UBR2: variants seen among roughly 807,000 people sequenced by gnomAD.
UBR2 encodes the protein ubiquitin protein ligase E3 component n-recognin 2, also known as E3 ubiquitin-protein ligase UBR2.
UBR2 carries 92 observed loss-of-function variants against 247.9 expected under a neutral mutation model. That is an observed-to-expected ratio of 0.37 (90% CI 0.31 to 0.44). The LOEUF is 0.44. Among genes scored for constraint, UBR2 ranks in the 20% least tolerant of loss-of-function variants. The pLI is 1.00. For missense variants in UBR2, 1,613 were observed against 2,112.6 expected, an observed-to-expected ratio of 0.76 and a Z score of 4.64; for synonymous variants, 672 against 693.5, an observed-to-expected ratio of 0.97 and a Z score of 0.49.
chr6:42,598,474 T>G (rs1238569183), intron 4 of UBR2, among the ~76,000 whole-genome samples: 1 of 152,150 alleles, frequency 6.6e-6, no homozygotes, highest in African/African-American at 2.4e-5. Context: ...AGCATTGTGT[T>G]TCGCCTACTC....
chr6:42,619,833 TCAGCCTCC>T, intron 11 of UBR2: 1 of 519,018 alleles, frequency 1.9e-6, no homozygotes, highest in Non-Finnish European at 2.5e-6. Flanking sequence ...TCCTCCTGTC[TCAGCCTCC>T]CAAGTAGCTG....
At chr6:42,587,394 A>G (rs766538797) in intron 2 of UBR2, among the ~76,000 whole-genome samples, 1 of 151,466 alleles carries the variant, frequency 6.6e-6, no homozygotes, top group African/African-American at 2.4e-5. Flanking sequence ...TGCTCTGTCC[A>G]TTTCCCAGGC....
chr6:42,595,217 T>C (rs890480841), intron 4 of UBR2, among the ~76,000 whole-genome samples: 2 of 152,222 alleles, frequency 1.3e-5, no homozygotes, highest in East Asian at 3.8e-4. Context: ...TTGTTAATTA[T>C]AGTCATGCTA....
At chr6:42,635,905 G>A (rs1796060185) in intron 14 of UBR2, among the ~76,000 whole-genome samples, 1 of 151,864 alleles carries the variant, frequency 6.6e-6, no homozygotes, top group African/African-American at 2.4e-5. Context: ...AAATTATTTT[G>A]GCCTTCCTTT....
At chr6:42,686,260 G>C (rs1409952375) in intron 44 of UBR2, among the ~76,000 whole-genome samples, 1 of 151,688 alleles carries the variant, frequency 6.6e-6, no homozygotes, top group Non-Finnish European at 1.5e-5. Flanking sequence ...GGGTACTTGA[G>C]ATTAGGGAGT....
chr6:42,687,683 G>A (rs1799523471), intron 44 of UBR2, among the ~76,000 whole-genome samples: 1 of 152,082 alleles, frequency 6.6e-6, no homozygotes, highest in African/African-American at 2.4e-5. Context: ...TGGGACTACA[G>A]GTGCACACCA....
chr6:42,614,377 T>G (rs1794361083), intron 8 of UBR2, among the ~76,000 whole-genome samples: 1 of 144,322 alleles, frequency 6.9e-6, no homozygotes. Flanking sequence ...TGTATGTGTG[T>G]ATATATGTAT....
At chr6:42,571,267 GCAT>G (rs936467998) in intron 1 of UBR2, among the ~76,000 whole-genome samples, 25 of 112,934 alleles carry the variant, frequency 2.2e-4, no homozygotes, top group African/African-American at 3.7e-4. Context: ...AAAAAAAAAA[GCAT>G]CCCTTCTAAA....
rs1315042915 is a variant in UBR2, at chr6:42,603,612, G to A, written c.556G>A (p.Asp186Asn). The A allele has an allele frequency of 1.9e-6, 3 of 1,577,810 alleles. No individual in the cohort carries two copies. The highest frequency in any genetic ancestry group is 1.4e-5 in the African/African-American group (1 of 72,210). The change falls in exon 5 of 47, where the codon GAT (aspartate) becomes AAT (asparagine). Residue 186 changes from aspartate to asparagine, a missense_variant. Asp to Asn is a conservative substitution (Grantham distance 23). This residue lies in a region of UBR2 where 1,524 missense variants were observed against 1,967.3 expected (regional missense o/e 0.77). Transcript: ENST00000372901. Reference protein sequence around the residue: ...EEDPLVHLSEDVIARTYNIFA... With the variant: ...EEDPLVHLSENVIARTYNIFA... ...GGATCCTCTTGTTCATTTATCAGAA[G>A]ATGTGATAGCAAGAACTTATAACAT...
chr6:42,628,570 A>G (rs1270089840), intron 11 of UBR2, among the ~76,000 whole-genome samples: 1 of 151,976 alleles, frequency 6.6e-6, no homozygotes, highest in Non-Finnish European at 1.5e-5. Flanking sequence ...AAAAATACAA[A>G]AAATTAGCTG....
At chr6:42,654,038 A>G (rs1375092648) in intron 25 of UBR2, among the ~76,000 whole-genome samples, 1 of 152,176 alleles carries the variant, frequency 6.6e-6, no homozygotes, top group Non-Finnish European at 1.5e-5. Flanking sequence ...ATATATTAAT[A>G]GCTTGAAAGC....
intron 5 of UBR2, among the ~76,000 whole-genome samples, 160 bp downstream of exon 5, chr6:42,603,878 T>C (rs994968642): frequency 6.6e-6 from 1 of 152,130 alleles, no homozygotes; most frequent in Non-Finnish European, 1.5e-5. Flanking sequence ...TTGGTGGAGA[T>C]TTCTTCCTGT....
chr6:42,686,691 CTGGCCG>C (rs1562405980), intron 44 of UBR2, among the ~76,000 whole-genome samples: 16 of 147,166 alleles, frequency 1.1e-4, no homozygotes, highest in Non-Finnish European at 2.4e-4. Context: ...GACGGGGCGG[CTGGCCG>C]GGTGGGAGCT....
At chr6:42,632,951 C>CTTTTTTTTTTTTTTTTTTTT in intron 13 of UBR2, 47 bp downstream of exon 13, 1 of 941,780 alleles carries the variant, frequency 1.1e-6, no homozygotes, top group Non-Finnish European at 1.4e-6. Flanking sequence ...TTTTTTTTCT[C>CTTTTTTTTTTTTTTTTTTTT]TTTTCTCTTT....
chr6:42,681,523 CTG>C (rs1799050857), intron 42 of UBR2, among the ~76,000 whole-genome samples: 1 of 152,178 alleles, frequency 6.6e-6, no homozygotes, highest in African/African-American at 2.4e-5. Context: ...TCACTAGTCA[CTG>C]GGGAAATCAC....
chr6:42,691,459 G>A lies in UBR2; in HGVS notation c.*286G>A, dbSNP rs890885684. On this transcript the variant is annotated 3_prime_UTR_variant, in exon 47 of 47. Transcript: ENST00000372901. ...CCCTTTGTGGGGGTCTGACTGCATA[G>A]TCCCAGCCATTATGTGATATTTCAC... The A allele has an allele frequency of 1.6e-4, 63 of 400,732 alleles. No individual in the cohort carries two copies. The highest frequency in any genetic ancestry group is 2.8e-4 in the Non-Finnish European group (61 of 219,974). The allele number at this position is 400,732 out of a possible 1,614,324, so 24.8% of individuals were successfully genotyped here.
At chr6:42,592,458 T>A (rs1475820491) in intron 3 of UBR2, among the ~76,000 whole-genome samples, 3 of 152,186 alleles carry the variant, frequency 2.0e-5, no homozygotes, top group African/African-American at 7.2e-5. Flanking sequence ...TCAGCTCTTC[T>A]GTATTGGTTT....
intron 1 of UBR2, 142 bp downstream of exon 1, chr6:42,564,539 C>A: frequency 3.4e-6 from 3 of 879,882 alleles, no homozygotes; most frequent in Non-Finnish European, 5.1e-6. Flanking sequence ...GGGGTAATAG[C>A]CCGGGGAGGC....
In UBR2 at chr6:42,652,649, G is replaced by A. The variant is rs767190122; in HGVS notation, c.2769+4G>A. 5 of 1,604,918 alleles carry A rather than the reference G, an allele frequency of 3.1e-6. No individual in the cohort carries two copies. In the East Asian group the frequency reaches 6.7e-5, roughly 22 times the overall value. On this transcript the variant is annotated splice_donor_region_variant and intron_variant, in intron 25 of 46. Coordinates refer to ENST00000372901, the MANE Select transcript of UBR2 (RefSeq NM_001363705.2). The stretch of plus-strand genomic sequence containing the variant: ...GTCAGAGTCCATGCTGCAAAGGGTA[G>A]GTTTGAAGACATTTATTATTTATAT...
Sources: allele counts gnomAD v4.1 joint callset (sites outside exome capture counted in the v4.1 genomes callset), GRCh38; gene constraint gnomAD v4.1.1; regional missense constraint gnomAD v4.1.1; transcripts MANE v1.5; gene names NCBI Gene and HGNC (gene_info 2026-07-23, HGNC 2026-07-21).